TENM3: variants seen among roughly 807,000 people sequenced by gnomAD.
TENM3 encodes the protein teneurin transmembrane protein 3.
TENM3 carries 63 observed loss-of-function variants against 255.1 expected under a neutral mutation model. The ratio of observed to expected loss-of-function variants is 0.25; its 90% CI spans 0.20 to 0.30. The LOEUF is 0.30. TENM3 is among the 10% of genes least tolerant of loss of function. The pLI is 1.00. For synonymous variants in TENM3, 1,306 were observed against 1,322.3 expected (o/e 0.99, Z 0.27); for missense variants, 2,929 against 3,461.1 (o/e 0.85, Z 3.86).
the TENM3 span, among the ~76,000 whole-genome samples, chr4:181,497,942 T>TTACA: frequency 6.6e-6 from 1 of 152,122 alleles, no homozygotes; most frequent in Non-Finnish European, 1.5e-5. Context: ...ATATTTTGAG[T>TTACA]TACACATAGT....
the TENM3 span, among the ~76,000 whole-genome samples, chr4:181,525,816 G>T: frequency 6.6e-6 from 1 of 152,178 alleles, no homozygotes; most frequent in South Asian, 2.1e-4. Flanking sequence ...CTGGGTGAGT[G>T]CCCTCAGGCA....
the TENM3 span, among the ~76,000 whole-genome samples, chr4:181,991,932 T>G: frequency 6.6e-6 from 1 of 152,168 alleles, no homozygotes; most frequent in African/African-American, 2.4e-5. Context: ...TGCCTTGTAC[T>G]TATATGTCCC....
intron 3 of TENM3, among the ~76,000 whole-genome samples, chr4:182,491,236 C>A (rs545955042): frequency 6.6e-6 from 1 of 152,158 alleles, no homozygotes; most frequent in South Asian, 2.1e-4. Context: ...TTTATGTAAA[C>A]CTTAGGAGAT....
chr4:182,426,156 A>G (rs912562831), intron 3 of TENM3, among the ~76,000 whole-genome samples: 3 of 152,104 alleles, frequency 2.0e-5, no homozygotes, highest in African/African-American at 7.2e-5. Flanking sequence ...CAGGGCCAAT[A>G]TTTACATGTG....
chr4:181,661,008 A>G, the TENM3 span, among the ~76,000 whole-genome samples: 1 of 152,208 alleles, frequency 6.6e-6, no homozygotes, highest in African/African-American at 2.4e-5. Context: ...ATGTAGTTCA[A>G]GTCATTAGAA....
chr4:181,670,182 T>C, the TENM3 span, among the ~76,000 whole-genome samples: 3 of 152,292 alleles, frequency 2.0e-5, no homozygotes, highest in South Asian at 6.2e-4. Flanking sequence ...ATGAATACCA[T>C]TTCATAATTT....
chr4:182,492,186 A>G (rs1018583850), intron 3 of TENM3, among the ~76,000 whole-genome samples: 1 of 152,186 alleles, frequency 6.6e-6, no homozygotes, highest in Non-Finnish European at 1.5e-5. Flanking sequence ...ATACATTTTA[A>G]TAGTATTTGA....
the TENM3 span, among the ~76,000 whole-genome samples, chr4:181,955,307 T>C: frequency 1.3e-4 from 20 of 152,206 alleles, no homozygotes; most frequent in African/African-American, 4.8e-4. Context: ...CTGATTTTTT[T>C]CCTCACCTGC....
At chr4:182,545,460 G>C (rs1741346536) in intron 3 of TENM3, among the ~76,000 whole-genome samples, 1 of 151,738 alleles carries the variant, frequency 6.6e-6, no homozygotes, top group Non-Finnish European at 1.5e-5. Context: ...GTTTCTAGCA[G>C]CCAGAATATT....
chr4:182,665,616 C>G (rs947090073), intron 6 of TENM3, among the ~76,000 whole-genome samples: 11 of 152,148 alleles, frequency 7.2e-5, no homozygotes, highest in Non-Finnish European at 8.8e-5. Flanking sequence ...CTCCTGGAGG[C>G]TGGGCACGGT....
the TENM3 span, among the ~76,000 whole-genome samples, chr4:181,763,150 G>A: frequency 2.0e-5 from 3 of 152,192 alleles, no homozygotes; most frequent in East Asian, 5.8e-4. Flanking sequence ...AGAAATTGAT[G>A]GACTACTGTG....
chr4:182,210,461 T>C (rs1754938544), intron 1 of TENM3, among the ~76,000 whole-genome samples: 4 of 152,240 alleles, frequency 2.6e-5, no homozygotes, highest in South Asian at 2.1e-4. Flanking sequence ...AATATTTTGT[T>C]TGATTATTTT....
the TENM3 span, among the ~76,000 whole-genome samples, chr4:181,778,225 C>T: frequency 2.0e-5 from 3 of 151,654 alleles, no homozygotes; most frequent in African/African-American, 7.3e-5. Flanking sequence ...ATAGTACCTC[C>T]GCAGCAAAAA....
At chr4:181,751,084 A>G in the TENM3 span, among the ~76,000 whole-genome samples, 21 of 152,260 alleles carry the variant, frequency 1.4e-4, no homozygotes, top group African/African-American at 4.8e-4. Context: ...AGCTACTCAT[A>G]CCACACAGTA....
chr4:181,769,049 C>T, the TENM3 span, among the ~76,000 whole-genome samples: 1 of 151,986 alleles, frequency 6.6e-6, no homozygotes, highest in African/African-American at 2.4e-5. Context: ...CTTATCTGAG[C>T]TTTTTGATAT....
the TENM3 span, among the ~76,000 whole-genome samples, chr4:181,455,373 A>G: frequency 4.0e-3 from 602 of 152,268 alleles, 1 homozygote; most frequent in Middle Eastern, 6.8e-3. Flanking sequence ...ACATCCCCAC[A>G]TGATGCCATG....
At chr4:182,469,008 C>T (rs1732869034) in intron 3 of TENM3, among the ~76,000 whole-genome samples, 2 of 152,054 alleles carry the variant, frequency 1.3e-5, no homozygotes, top group Non-Finnish European at 2.9e-5. Context: ...GGATTTAAAA[C>T]AAAGATCAGT....
the TENM3 span, among the ~76,000 whole-genome samples, chr4:181,633,789 G>A: frequency 1.8e-4 from 28 of 152,288 alleles, no homozygotes; most frequent in African/African-American, 5.8e-4. Context: ...TTTAGCACAC[G>A]GGACATAAAT....
the TENM3 span, among the ~76,000 whole-genome samples, chr4:182,091,901 T>A: frequency 6.6e-6 from 1 of 152,142 alleles, no homozygotes; most frequent in Admixed American, 6.5e-5. Context: ...AGCACACATG[T>A]GTGCCTGAAA....
Sources: gnomAD v4.1 joint callset for allele counts (sites outside exome capture counted in the v4.1 genomes callset) on GRCh38, gnomAD v4.1.1 for gene constraint, MANE v1.5 for transcripts, NCBI Gene and HGNC (gene_info 2026-07-23, HGNC 2026-07-21) for gene names.